The following RAB28 variants were observed in gnomAD, a reference collection of about 807,000 sequenced individuals.
The protein encoded by RAB28 is ras-related protein Rab-28.
In RAB28, 24 loss-of-function variants were observed where a neutral mutation model predicts 31.7. The observed-to-expected ratio is 0.76, with a 90% confidence interval of 0.55 to 1.06. The LOEUF is 1.06. Ranked by LOEUF, RAB28 falls within the 50% of genes least tolerant of loss-of-function variation. The pLI, the probability that RAB28 is intolerant of heterozygous loss-of-function variation, is 0.00. For missense variants in RAB28, 254 were observed against 258.5 expected (o/e 0.98, Z 0.12); for synonymous variants, 100 against 90.4 (o/e 1.11, Z -0.60).
At chr4:13,371,860 A>C (rs1560264563) in intron 6 of RAB28, 3 of 1,543,636 alleles carry the variant, frequency 1.9e-6, no homozygotes, top group Non-Finnish European at 2.6e-6. Context: ...GAAAATAATG[A>C]AATGGCCCTA....
intron 4 of RAB28, among the ~76,000 whole-genome samples, chr4:13,404,588 G>T (rs531835703): frequency 8.2e-4 from 125 of 152,162 alleles, no homozygotes; most frequent in Non-Finnish European, 1.3e-3. Context: ...AAAAAATCCT[G>T]AAGAAAGAAG....
At chr4:13,458,315 T>C (rs959149088) in intron 4 of RAB28, among the ~76,000 whole-genome samples, 4 of 151,722 alleles carry the variant, frequency 2.6e-5, no homozygotes, top group African/African-American at 9.7e-5. Context: ...AAATTAAGCT[T>C]GAACTTATTA....
intron 4 of RAB28, among the ~76,000 whole-genome samples, chr4:13,407,305 T>C (rs756945209): frequency 1.3e-5 from 2 of 152,184 alleles, no homozygotes; most frequent in Non-Finnish European, 2.9e-5. Flanking sequence ...TTCTCAAAGA[T>C]CAGATGGTTG....
chr4:13,454,470 A>T (rs2108954655), intron 4 of RAB28, among the ~76,000 whole-genome samples: 1 of 152,206 alleles, frequency 6.6e-6, no homozygotes, highest in East Asian at 1.9e-4. Context: ...TTCTAATTTT[A>T]TGGAGTAGGA....
rs373070676 is a variant in RAB28, at chr4:13,416,293, G to A, written c.392-34699C>T. On this transcript the variant is annotated intron_variant, in intron 4 of 6. Transcript: ENST00000330852. Reference sequence around the variant, plus strand: ...CTTTATGAGCTGTAACACTCACTGCGAAGGTCTGCAGCTTCACTCCTGAGC... The same window carrying A: ...CTTTATGAGCTGTAACACTCACTGCAAAGGTCTGCAGCTTCACTCCTGAGC... Among the ~76,000 whole-genome samples the A allele has an allele frequency of 2.8e-3, 421 of 152,162 alleles. 17 individuals carry two copies. In the South Asian group the frequency reaches 0.084, roughly 31 times the overall value.
At chr4:13,442,018 T>A (rs2108941990) in intron 4 of RAB28, among the ~76,000 whole-genome samples, 1 of 152,270 alleles carries the variant, frequency 6.6e-6, no homozygotes, top group African/African-American at 2.4e-5. Context: ...CGTTTTAAAA[T>A]CAAATTTATA....
chr4:13,382,695 T>C (rs1386598098), intron 4 of RAB28, among the ~76,000 whole-genome samples: 1 of 8,658 alleles, frequency 1.2e-4, no homozygotes, highest in Non-Finnish European at 4.3e-4. Context: ...AATATGGAAT[T>C]TTTTTTTTTT....
chr4:13,441,995 T>C (rs1300282581), intron 4 of RAB28, among the ~76,000 whole-genome samples: 3 of 152,210 alleles, frequency 2.0e-5, no homozygotes, highest in Non-Finnish European at 2.9e-5. Flanking sequence ...GCTTTATACA[T>C]AACTTGAGAG....
At chr4:13,386,731 C>T (rs1359988009) in intron 4 of RAB28, among the ~76,000 whole-genome samples, 3 of 152,146 alleles carry the variant, frequency 2.0e-5, no homozygotes, top group Non-Finnish European at 2.9e-5. Flanking sequence ...TTCAACACAG[C>T]AACCCCATTA....
rs535611426 is a variant in RAB28 at position 13,388,662 on chromosome 4, C to T, written c.392-7068G>A. ...ATCTAGAATATATAAAGAACACCTACAACTCAACAACAAAAAACACAATTT... is the reference window on the plus strand; with the variant it reads ...ATCTAGAATATATAAAGAACACCTATAACTCAACAACAAAAAACACAATTT... On this transcript the variant is annotated intron_variant, in intron 4 of 6. Transcript: ENST00000330852. Among the ~76,000 whole-genome samples the T allele has an allele frequency of 3.9e-5, 6 of 152,068 alleles. No individual in the cohort carries two copies. In the South Asian group the frequency reaches 1.2e-3, roughly 32 times the overall value.
chr4:13,392,743 T>G (rs1397923276), intron 4 of RAB28, among the ~76,000 whole-genome samples: 1 of 152,236 alleles, frequency 6.6e-6, no homozygotes, highest in African/African-American at 2.4e-5. Flanking sequence ...GAATAGATTT[T>G]AAGTGTTTTC....
At chr4:13,423,215 A>G (rs1181021493) in intron 4 of RAB28, among the ~76,000 whole-genome samples, 2 of 152,140 alleles carry the variant, frequency 1.3e-5, no homozygotes, top group Admixed American at 1.3e-4. Context: ...GTTATGGCCC[A>G]TGAGCTAAGA....
chr4:13,405,077 G>A (rs1712001084), intron 4 of RAB28, among the ~76,000 whole-genome samples: 1 of 151,928 alleles, frequency 6.6e-6, no homozygotes, highest in African/African-American at 2.4e-5. Context: ...GTCTCCTAAC[G>A]AGAATTTAAA....
intron 4 of RAB28, among the ~76,000 whole-genome samples, chr4:13,449,821 A>G (rs1284989032): frequency 6.6e-6 from 1 of 151,784 alleles, no homozygotes; most frequent in African/African-American, 2.4e-5. Context: ...CCACCCCTCC[A>G]CTAACTAAGA....
intron 4 of RAB28, among the ~76,000 whole-genome samples, chr4:13,396,563 C>T (rs1468375037): frequency 6.6e-6 from 1 of 151,948 alleles, no homozygotes; most frequent in Non-Finnish European, 1.5e-5. Context: ...ATTCTTAAAC[C>T]AACCTTCTTA....
chr4:13,426,040 T>C (rs1275126403), intron 4 of RAB28, among the ~76,000 whole-genome samples: 1 of 152,208 alleles, frequency 6.6e-6, no homozygotes, highest in African/African-American at 2.4e-5. Context: ...AAACATCACA[T>C]TGATAACTTT....
chr4:13,381,941 A>G (rs1349353027), intron 4 of RAB28, among the ~76,000 whole-genome samples: 2 of 152,220 alleles, frequency 1.3e-5, no homozygotes, highest in Non-Finnish European at 2.9e-5. Context: ...TTAATATAGT[A>G]CATTTAAACA....
chr4:13,472,727 T>C (rs2108970815), intron 3 of RAB28, among the ~76,000 whole-genome samples: 1 of 152,084 alleles, frequency 6.6e-6, no homozygotes, highest in East Asian at 1.9e-4. Flanking sequence ...TTTCCCATGT[T>C]ATCAACCACA....
rs199608572 is a variant in RAB28, at chr4:13,457,253, GT to G, written c.391+3445del. ...CCAGTGTGAAAAATCTTTGTTAATT[GT>G]ATTGCCTTTTAATATAATTATATCC... On this transcript the variant is annotated intron_variant, in intron 4 of 6. Transcript: ENST00000330852. Among the ~76,000 whole-genome samples the G allele has an allele frequency of 1.2e-3, 177 of 152,136 alleles. 6 individuals are homozygous for G. The East Asian group carries it at 0.033, about 29-fold the overall frequency.
Sources: gnomAD v4.1 joint callset for allele counts (sites outside exome capture counted in the v4.1 genomes callset) on GRCh38, gnomAD v4.1.1 for gene constraint, MANE v1.5 for transcripts, NCBI Gene and HGNC (gene_info 2026-07-23, HGNC 2026-07-21) for gene names.